Variants in TSPAN31 observed in about 807,000 individuals in gnomAD.
TSPAN31 encodes the protein tetraspanin-31.
Under a neutral mutation model 24.8 loss-of-function variants are expected in TSPAN31, and 16 were observed. That is an observed-to-expected ratio of 0.64 (90% CI 0.44 to 0.98). TSPAN31 has a LOEUF of 0.98. Ranked by LOEUF, TSPAN31 falls within the 50% of genes least tolerant of loss-of-function variation. The pLI is 0.00. For synonymous variants in TSPAN31, 87 were observed against 91.4 expected (o/e 0.95, Z 0.27); for missense variants, 209 against 251.6 (o/e 0.83, Z 1.15).
chr12:57,749,147 A>C lies in TSPAN31; in HGVS notation c.*1857A>C. 5.6e-6 allele frequency: 9 copies of C among 1,613,586 alleles called. No homozygotes were observed. The highest frequency in any genetic ancestry group is 7.6e-6 in the Non-Finnish European group (9 of 1,179,634). On this transcript the variant is annotated 3_prime_UTR_variant, in exon 6 of 6. Transcript: ENST00000257910. ...TGCTCTATTTCTTTCCCCAGTCTCT[A>C]TTTCTTTCCCTGTGCCCACAGCCAT...
rs958236270 is a variant in TSPAN31, at chr12:57,747,743, T to C, written c.*453T>C. 6.2e-6 allele frequency: 1 copy of C among 161,098 alleles called. No homozygotes were observed. The highest frequency in any genetic ancestry group is 2.4e-5 in the African/African-American group (1 of 41,586). 10.0% of individuals were successfully genotyped at this position (161,098 alleles called of 1,614,324 possible). On this transcript the variant is annotated 3_prime_UTR_variant, in exon 6 of 6. Coordinates refer to ENST00000257910, the MANE Select transcript of TSPAN31 (RefSeq NM_005981.5). ...AAAGTAAAAGCCATTTAAAAATCTA[T>C]ATTCTTTTTTTTTTTTTGACACAGA...
Position 57,748,329 on chromosome 12 carries a change from T to C in TSPAN31, c.*1039T>C. ...ACAAGAGGGAACATACCCCTTAGTG[T>C]AGAGAAATGGGAAGGAGAAGGAGAA... On this transcript the variant is annotated 3_prime_UTR_variant, in exon 6 of 6. Transcript: ENST00000257910. 1 of 638,576 alleles carries C rather than the reference T, an allele frequency of 1.6e-6. No homozygotes were observed. The highest frequency in any genetic ancestry group is 1.6e-5 in the South Asian group (1 of 61,280). The allele number at this position is 638,576 out of a possible 1,614,324, so 39.6% of individuals were successfully genotyped here.
At position 57,748,708 on chromosome 12, in the gene TSPAN31, CTTTTTTTTTTT is replaced by C. The variant is rs545773931; in HGVS notation, c.*1423_*1433del. On this transcript the variant is annotated 3_prime_UTR_variant, in exon 6 of 6. Coordinates refer to ENST00000257910, the MANE Select transcript of TSPAN31 (RefSeq NM_005981.5). ...CCTGGGATGAGCTTTCTTCTTTTTTCTTTTTTTTTTTTTTTGAGACGGAGTCTCGCTCTATC... is the reference window on the plus strand; with the variant it reads ...CCTGGGATGAGCTTTCTTCTTTTTTCTTTTGAGACGGAGTCTCGCTCTATC... 2 of 693,632 alleles carry C rather than the reference CTTTTTTTTTTT, an allele frequency of 2.9e-6. No homozygotes were observed. The highest frequency in any genetic ancestry group is 3.1e-5 in the South Asian group (2 of 64,244). 43.0% of individuals were successfully genotyped at this position (693,632 alleles called of 1,614,324 possible). A position where few individuals can be genotyped will look rare whatever the true frequency, so the allele number is the denominator to read the frequency against.
chr12:57,745,324 TC>T, intron 1 of TSPAN31, 107 bp downstream of exon 1: 1 of 1,257,228 alleles, frequency 8.0e-7, no homozygotes, highest in Non-Finnish European at 1.1e-6. Flanking sequence ...CCGGGAAGAT[TC>T]CCAGGAACTT....
chr12:57,749,692 G>A lies in TSPAN31; in HGVS notation c.*2402G>A, dbSNP rs1235122668. On this transcript the variant is annotated 3_prime_UTR_variant, in exon 6 of 6. Transcript: ENST00000257910. ...GATCAGCCTGGGCAAGCAAGACCTT[G>A]TCTCTTTTTTTAAAAAAAAAGAAAT... The A allele has an allele frequency of 3.1e-6, 2 of 645,772 alleles. No homozygotes were observed. The highest frequency in any genetic ancestry group is 5.5e-5 in the East Asian group (2 of 36,548). The allele number at this position is 645,772 out of a possible 1,614,324, so 40.0% of individuals were successfully genotyped here.
At chr12:57,746,329 T>C (rs768236803) in intron 3 of TSPAN31, 73 bp downstream of exon 3, 2 of 1,420,204 alleles carry the variant, frequency 1.4e-6, no homozygotes, top group Non-Finnish European at 1.0e-6. Flanking sequence ...CCTTCCTTAG[T>C]CTGGCCCCAA....
At chr12:57,747,162 C>T (rs772112382) in intron 5 of TSPAN31, 31 bp downstream of exon 5, 1 of 1,612,362 alleles carries the variant, frequency 6.2e-7, no homozygotes, top group East Asian at 2.2e-5. Flanking sequence ...CACACACATC[C>T]TTTTTGAGAC....
At position 57,748,560 on chromosome 12, in the gene TSPAN31, A is replaced by G. The variant is rs2140381081; in HGVS notation, c.*1270A>G. The G allele has an allele frequency of 1.9e-6, 3 of 1,613,882 alleles. No homozygotes were observed. Among genetic ancestry groups the G allele is most frequent in the South Asian group, 1.1e-5 (1 of 91,068 alleles). On this transcript the variant is annotated 3_prime_UTR_variant, in exon 6 of 6. Coordinates refer to ENST00000257910, the MANE Select transcript of TSPAN31 (RefSeq NM_005981.5). ...TTACCTTCATCCTTATGTAGATAAGAGTGCTGCAGAGCTCGAAAGGCAGAG... is the reference window on the plus strand; with the variant it reads ...TTACCTTCATCCTTATGTAGATAAGGGTGCTGCAGAGCTCGAAAGGCAGAG...
rs1451124157 is a variant in TSPAN31 at position 57,745,497 on chromosome 12, G to A, written c.64-248G>A. The A allele has an allele frequency of 1.8e-5, 11 of 615,646 alleles. No homozygotes were observed. The Admixed American group carries it at 3.3e-4, about 18-fold the overall frequency. The allele number at this position is 615,646 out of a possible 1,614,324, so 38.1% of individuals were successfully genotyped here. A position where few individuals can be genotyped will look rare whatever the true frequency, so the allele number is the denominator to read the frequency against. ...GTTTCTTCCAAACTGGAAGTGATAG[G>A]ATGATCCTGAGGGTTCATCTTTTGC... On this transcript the variant is annotated intron_variant, in intron 1 of 5. Coordinates refer to ENST00000257910, the MANE Select transcript of TSPAN31 (RefSeq NM_005981.5).
At position 57,745,914 on chromosome 12, in the gene TSPAN31, T is replaced by C; in HGVS notation, c.231+2T>C. 1 of 1,596,448 alleles carries C rather than the reference T, an allele frequency of 6.3e-7. No individual in the cohort carries two copies. Among genetic ancestry groups the C allele is most frequent in the Non-Finnish European group, 8.5e-7 (1 of 1,172,158 alleles). ...CACCACCAAGTCCTGCTGTTCTTTG[T>C]ATCCTGACCTGAAGTGATGGGGGCA... On this transcript the variant is annotated splice_donor_variant, in intron 2 of 5. Coordinates refer to ENST00000257910, the MANE Select transcript of TSPAN31 (RefSeq NM_005981.5). LOFTEE classifies it high-confidence loss of function.
Position 57,748,791 on chromosome 12 carries a change from C to A in TSPAN31, c.*1501C>A, listed in dbSNP as rs574043738. 8 of 599,962 alleles carry A rather than the reference C, an allele frequency of 1.3e-5. No homozygotes were observed. The highest frequency in any genetic ancestry group is 1.1e-4 in the African/African-American group (6 of 53,784). 37.2% of individuals were successfully genotyped at this position (599,962 alleles called of 1,614,324 possible). A position where few individuals can be genotyped will look rare whatever the true frequency, so the allele number is the denominator to read the frequency against. On this transcript the variant is annotated 3_prime_UTR_variant, in exon 6 of 6. Transcript: ENST00000257910. ...TATGATCTCAGCTCACTGCAACCTC[C>A]GCCTCCTGAGTTGAAGTGATTCTCC...
At chr12:57,745,568 T>G in intron 1 of TSPAN31, 177 bp from the exon 2 acceptor site, 1 of 740,312 alleles carries the variant, frequency 1.4e-6, no homozygotes, top group Non-Finnish European at 2.2e-6. Flanking sequence ...ATCCTAGCCA[T>G]TCTAACCTTT....
Position 57,749,174 on chromosome 12 carries a change from TC to T in TSPAN31, c.*1886del, listed in dbSNP as rs1217545832. ...TTCTTTCCCTGTGCCCACAGCCATCTCCAGTACCAGCAGCAGCTGTGCTCCC... is the reference window on the plus strand; with the variant it reads ...TTCTTTCCCTGTGCCCACAGCCATCTCAGTACCAGCAGCAGCTGTGCTCCC... On this transcript the variant is annotated 3_prime_UTR_variant, in exon 6 of 6. Transcript: ENST00000257910. The T allele has an allele frequency of 6.2e-7, 1 of 1,613,994 alleles. No individual in the cohort carries two copies. Among genetic ancestry groups the T allele is most frequent in the Non-Finnish European group, 8.5e-7 (1 of 1,179,866 alleles).
At position 57,746,187 on chromosome 12, in the gene TSPAN31, C is replaced by A. The variant is rs771666290; in HGVS notation, c.243C>A (p.Ile81=). The A allele has an allele frequency of 3.1e-6, 5 of 1,614,076 alleles. No individual in the cohort carries two copies. The South Asian group carries it at 5.5e-5, about 18-fold the overall frequency. Residue 81 remains isoleucine (I), a synonymous_variant, in exon 3 of 6, where the codon ATC becomes ATA. Transcript: ENST00000257910. ...ACCTTTCCTCTCAGTACATGATCAT[C>A]CTTGGTTTGGTCTTCATCTTCCAAT... The part of the protein sequence containing the change: ...HQVLLFFYMI[I]LGLVFIFQFV...
At position 57,745,062 on chromosome 12, in the gene TSPAN31, TAA is replaced by T. The variant is rs2140376518; in HGVS notation, c.-91_-90del. On this transcript the variant is annotated 5_prime_UTR_variant, in exon 1 of 6. Transcript: ENST00000257910. The stretch of plus-strand genomic sequence containing the variant: ...GTATTGGGTTTGGCTGGCCTCGATT[TAA>T]AGAGACAGAAGCTGTCGGGGTCCTG... 1 of 1,267,440 alleles carries T rather than the reference TAA, an allele frequency of 7.9e-7. No homozygotes were observed. The highest frequency in any genetic ancestry group is 1.5e-5 in the African/African-American group (1 of 67,490). The allele number at this position is 1,267,440 out of a possible 1,614,324, so 78.5% of individuals were successfully genotyped here.
chr12:57,746,317 C>A, intron 3 of TSPAN31, 61 bp downstream of exon 3: 1 of 1,481,900 alleles, frequency 6.7e-7, no homozygotes, highest in Non-Finnish European at 9.4e-7. Flanking sequence ...TAACCTCGAA[C>A]TCCTTCCTTA....
chr12:57,746,741 G>A (rs1445063249), intron 4 of TSPAN31, 21 bp downstream of exon 4: 1 of 1,613,876 alleles, frequency 6.2e-7, no homozygotes, highest in South Asian at 1.1e-5. Context: ...TGGGGGTGGT[G>A]CAGCAGCCAG....
Position 57,748,118 on chromosome 12 carries a change from G to C in TSPAN31, c.*828G>C. 3.1e-6 allele frequency: 1 copy of C among 317,634 alleles called. No individual in the cohort carries two copies. The highest frequency in any genetic ancestry group is 5.9e-6 in the Non-Finnish European group (1 of 169,638). The allele number at this position is 317,634 out of a possible 1,614,324, so 19.7% of individuals were successfully genotyped here. A position where few individuals can be genotyped will look rare whatever the true frequency, so the allele number is the denominator to read the frequency against. ...TCAAGGGGCTCCACTGACTTCCTAGGCCCTGTAATTTAACCAGTCTTTAAG... is the reference window on the plus strand; with the variant it reads ...TCAAGGGGCTCCACTGACTTCCTAGCCCCTGTAATTTAACCAGTCTTTAAG... On this transcript the variant is annotated 3_prime_UTR_variant, in exon 6 of 6. Coordinates refer to ENST00000257910, the MANE Select transcript of TSPAN31 (RefSeq NM_005981.5).
chr12:57,749,241 G>A lies in TSPAN31; in HGVS notation c.*1951G>A, dbSNP rs587779896. Reference sequence around the variant, plus strand: ...GGTACCACCGACTGCACTGGGCGGGGCCCTCTGGGGGGAAAGGCTCCACGG... The same window carrying A: ...GGTACCACCGACTGCACTGGGCGGGACCCTCTGGGGGGAAAGGCTCCACGG... On this transcript the variant is annotated 3_prime_UTR_variant, in exon 6 of 6. Coordinates refer to ENST00000257910, the MANE Select transcript of TSPAN31 (RefSeq NM_005981.5). 3 of 1,614,072 alleles carry A rather than the reference G, an allele frequency of 1.9e-6. No individual in the cohort carries two copies. The highest frequency in any genetic ancestry group is 2.5e-6 in the Non-Finnish European group (3 of 1,179,930).
Sources: allele counts gnomAD v4.1 joint callset, GRCh38; gene constraint gnomAD v4.1.1; transcripts MANE v1.5; gene names NCBI Gene and HGNC (gene_info 2026-07-23, HGNC 2026-07-21).